PLCG2: variants seen among roughly 807,000 people sequenced by gnomAD.
PLCG2 encodes the protein phospholipase C gamma 2, also known as 1-phosphatidylinositol 4,5-bisphosphate phosphodiesterase gamma-2.
Under a neutral mutation model 175.6 loss-of-function variants are expected in PLCG2, and 69 were observed. The ratio of observed to expected loss-of-function variants is 0.39; its 90% CI spans 0.32 to 0.48. PLCG2 has a LOEUF of 0.48. PLCG2 is among the 20% of genes least tolerant of loss of function. The pLI is 0.91. For synonymous variants in PLCG2, 827 were observed against 624.0 expected (o/e 1.33, Z -4.85); for missense variants, 1,798 against 1,650.9 (o/e 1.09, Z -1.54).
chr16:81,790,772 C>A (rs1035533340), intron 2 of PLCG2, among the ~76,000 whole-genome samples: 2 of 152,012 alleles, frequency 1.3e-5, no homozygotes, highest in African/African-American at 4.8e-5. Context: ...TTTTGCCTCT[C>A]CCTCCCTACT....
intron 2 of PLCG2, among the ~76,000 whole-genome samples, chr16:81,773,327 G>T (rs1910323940): frequency 6.6e-6 from 1 of 152,222 alleles, no homozygotes; most frequent in African/African-American, 2.4e-5. Context: ...TTCCAGCAAT[G>T]TGAGATCATT....
At chr16:81,799,749 C>A (rs971530086) in intron 2 of PLCG2, among the ~76,000 whole-genome samples, 1 of 152,070 alleles carries the variant, frequency 6.6e-6, no homozygotes, top group Non-Finnish European at 1.5e-5. Context: ...CCCGCCACCA[C>A]ACTTGGCTAA....
At chr16:81,902,256 A>T (rs768669061) in intron 14 of PLCG2, among the ~76,000 whole-genome samples, 4 of 152,180 alleles carry the variant, frequency 2.6e-5, no homozygotes, top group Non-Finnish European at 5.9e-5. Context: ...GGGAAGGACA[A>T]ACAGCTGTTT....
At chr16:81,796,733 T>C (rs1175575727) in intron 2 of PLCG2, among the ~76,000 whole-genome samples, 3 of 152,132 alleles carry the variant, frequency 2.0e-5, no homozygotes, top group Non-Finnish European at 4.4e-5. Context: ...TGAAGACAGA[T>C]ACAGAAATCT....
chr16:81,898,640 A>C (rs1346507468), intron 13 of PLCG2: 1 of 152,186 alleles, frequency 6.6e-6, no homozygotes, highest in Admixed American at 6.5e-5. Context: ...GTTTCATAGT[A>C]AATGCCATGC....
intron 1 of PLCG2, among the ~76,000 whole-genome samples, chr16:81,744,626 C>T (rs757378782): frequency 1.3e-5 from 2 of 152,030 alleles, no homozygotes; most frequent in Non-Finnish European, 2.9e-5. Flanking sequence ...TAGTCGTGCT[C>T]TGTCACCCAG....
chr16:81,741,714 G>C (rs1488508577), intron 1 of PLCG2, among the ~76,000 whole-genome samples: 2 of 152,160 alleles, frequency 1.3e-5, no homozygotes, highest in African/African-American at 4.8e-5. Context: ...GGGAGGCTGA[G>C]GCAAGAGAAT....
chr16:81,789,314 A>G (rs950314889), intron 2 of PLCG2, among the ~76,000 whole-genome samples: 3 of 152,202 alleles, frequency 2.0e-5, no homozygotes, highest in Non-Finnish European at 2.9e-5. Context: ...TTTTAGAGAC[A>G]GGGTCTTGCT....
At chr16:81,875,857 G>A (rs1907756076) in intron 7 of PLCG2, among the ~76,000 whole-genome samples, 1 of 152,100 alleles carries the variant, frequency 6.6e-6, no homozygotes, top group Non-Finnish European at 1.5e-5. Flanking sequence ...ATTTTACATG[G>A]GTGTGAGCAT....
At chr16:81,834,550 G>C (rs1597344948) in intron 2 of PLCG2, among the ~76,000 whole-genome samples, 1 of 151,980 alleles carries the variant, frequency 6.6e-6, no homozygotes, top group East Asian at 2.0e-4. Flanking sequence ...ATGATGGACA[G>C]AGAGCACTCG....
At chr16:81,828,264 G>GAGAC (rs1905124977) in intron 2 of PLCG2, among the ~76,000 whole-genome samples, 1 of 40,446 alleles carries the variant, frequency 2.5e-5, no homozygotes, top group Non-Finnish European at 4.4e-5. Context: ...TTTTTTTTTT[G>GAGAC]AGACAGAATC....
chr16:81,895,545 G>A, intron 12 of PLCG2: 1 of 415,512 alleles, frequency 2.4e-6, no homozygotes, highest in Non-Finnish European at 4.4e-6. Context: ...GGGCAACAGA[G>A]CGAGACTCTG....
At chr16:81,809,128 T>C (rs1329515055) in intron 2 of PLCG2, among the ~76,000 whole-genome samples, 5 of 152,186 alleles carry the variant, frequency 3.3e-5, no homozygotes, top group African/African-American at 1.2e-4. Context: ...CTTGGACTTG[T>C]TGCTTTTGTG....
At chr16:81,823,184 C>G (rs993562462) in intron 2 of PLCG2, among the ~76,000 whole-genome samples, 2 of 152,202 alleles carry the variant, frequency 1.3e-5, no homozygotes, top group East Asian at 1.9e-4. Context: ...CCCTTCTGAT[C>G]TGGATGGATT....
chr16:81,864,558 C>T (rs1907135787), intron 5 of PLCG2, among the ~76,000 whole-genome samples: 1 of 152,174 alleles, frequency 6.6e-6, no homozygotes, highest in Non-Finnish European at 1.5e-5. Context: ...GCCTCAGTTT[C>T]CTCATGTGTA....
chr16:81,815,858 C>T (rs1037370291), intron 2 of PLCG2, among the ~76,000 whole-genome samples: 1 of 151,920 alleles, frequency 6.6e-6, no homozygotes, highest in Non-Finnish European at 1.5e-5. Flanking sequence ...GTCAGGAGTT[C>T]GAGACCAGCC....
At chr16:81,936,565 C>G (rs532047393) in intron 27 of PLCG2, among the ~76,000 whole-genome samples, 187 bp downstream of exon 27, 1 of 152,118 alleles carries the variant, frequency 6.6e-6, no homozygotes, top group Non-Finnish European at 1.5e-5. Context: ...ATGAGAGGAC[C>G]GAAGGCTGCT....
intron 17 of PLCG2, among the ~76,000 whole-genome samples, chr16:81,908,899 TG>T (rs1453907731): frequency 2.0e-4 from 30 of 152,350 alleles, no homozygotes; most frequent in African/African-American, 7.0e-4. Flanking sequence ...TTAGATGATG[TG>T]GTCTCACTCA....
At chr16:81,894,530 C>T (rs1415248850) in intron 12 of PLCG2, among the ~76,000 whole-genome samples, 1 of 152,166 alleles carries the variant, frequency 6.6e-6, no homozygotes, top group Non-Finnish European at 1.5e-5. Flanking sequence ...GGCTATTTTC[C>T]TTCCGGCCTC....
Sources: allele counts gnomAD v4.1 joint callset (sites outside exome capture counted in the v4.1 genomes callset), GRCh38; gene constraint gnomAD v4.1.1; transcripts MANE v1.5; gene names NCBI Gene and HGNC (gene_info 2026-07-23, HGNC 2026-07-21).